Variants in C5 observed in about 807,000 individuals in gnomAD.
The protein encoded by C5 is complement C5.
C5 carries 140 observed loss-of-function variants against 218.8 expected under a neutral mutation model. The observed-to-expected ratio is 0.64, with a 90% confidence interval of 0.56 to 0.74. C5 has a LOEUF of 0.74. Ranked by LOEUF, C5 falls within the 30% of genes least tolerant of loss-of-function variation. The pLI, the probability that C5 is intolerant of heterozygous loss-of-function variation, is 0.00. For synonymous variants in C5, 614 were observed against 682.3 expected (o/e 0.90, Z 1.56); for missense variants, 1,700 against 1,969.6 (o/e 0.86, Z 2.59).
intron 4 of C5, among the ~76,000 whole-genome samples, chr9:121,037,665 CA>C (rs2047539634): frequency 6.6e-6 from 1 of 152,246 alleles, no homozygotes; most frequent in African/African-American, 2.4e-5. Context: ...TGGTTTAGCT[CA>C]AAATCCTTCA....
the C5 span, among the ~76,000 whole-genome samples, chr9:121,073,799 C>G: frequency 6.6e-6 from 1 of 152,074 alleles, no homozygotes; most frequent in Non-Finnish European, 1.5e-5. Flanking sequence ...CAGGCATGAG[C>G]CACAGCGCCC....
intron 20 of C5, among the ~76,000 whole-genome samples, chr9:120,998,434 G>C (rs2047135582): frequency 6.6e-6 from 1 of 152,206 alleles, no homozygotes; most frequent in Non-Finnish European, 1.5e-5. Context: ...CTTAGGCTCA[G>C]GTACTTTTTC....
chr9:121,069,865 A>C, the C5 span, among the ~76,000 whole-genome samples: 4 of 152,214 alleles, frequency 2.6e-5, no homozygotes, highest in Non-Finnish European at 4.4e-5. Flanking sequence ...TATATCCACT[A>C]TGGAGAACAG....
chr9:121,008,753 A>G (rs1031781159), intron 17 of C5, among the ~76,000 whole-genome samples: 1 of 152,072 alleles, frequency 6.6e-6, no homozygotes, highest in Admixed American at 6.5e-5. Context: ...AACATGTTGA[A>G]ACCCCGTCTC....
At chr9:120,995,567 T>A (rs2131721008) in intron 22 of C5, among the ~76,000 whole-genome samples, 1 of 152,238 alleles carries the variant, frequency 6.6e-6, no homozygotes, top group Middle Eastern at 3.4e-3. Context: ...TGTTTTCAAA[T>A]AATGCATGTT....
chr9:120,961,678 T>C, intron 36 of C5, 113 bp from the exon 37 acceptor site: 3 of 743,656 alleles, frequency 4.0e-6, no homozygotes, highest in Non-Finnish European at 7.3e-6. Flanking sequence ...TAAACCCTTC[T>C]TTTTATAGCT....
At chr9:121,028,111 C>T (rs1205588200) in intron 7 of C5, among the ~76,000 whole-genome samples, 1 of 152,194 alleles carries the variant, frequency 6.6e-6, no homozygotes, top group African/African-American at 2.4e-5. Context: ...CATCACTGGT[C>T]ATCAGAGAAA....
At chr9:121,032,330 T>C (rs2047483118) in intron 5 of C5, 135 bp from the exon 6 acceptor site, 1 of 589,870 alleles carries the variant, frequency 1.7e-6, no homozygotes, top group African/African-American at 1.9e-5. Flanking sequence ...TATATTTTAT[T>C]TGTGACTGAT....
At chr9:121,067,683 T>C in the C5 span, among the ~76,000 whole-genome samples, 1 of 152,014 alleles carries the variant, frequency 6.6e-6, no homozygotes, top group Non-Finnish European at 1.5e-5. Flanking sequence ...TCAGGGAAGG[T>C]ACCTGGTGGG....
In C5 at chr9:121,020,164, G is replaced by A; in HGVS notation, c.1318C>T (p.Pro440Ser). 2 of 1,613,902 alleles carry A rather than the reference G, an allele frequency of 1.2e-6. No homozygotes were observed. Among genetic ancestry groups the A allele is most frequent in the South Asian group, 1.1e-5 (1 of 91,076 alleles). Residue 440 changes from proline to serine, a missense_variant, in exon 12 of 41, where the codon CCA becomes TCA. By Grantham distance (74) the Pro-to-Ser change is moderately conservative. Coordinates refer to ENST00000223642, the MANE Select transcript of C5 (RefSeq NM_001735.3). ...VLEFNVKTDA[P>S]DLPEENQARE... is the part of the protein sequence containing the mutation. ...GCCTGATTTTCTTCTGGAAGATCTG[G>A]AGCATCAGTTTTGACCTGAAAAGAG...
At chr9:120,954,203 C>A (rs1474550773) in intron 39 of C5, among the ~76,000 whole-genome samples, 1 of 152,172 alleles carries the variant, frequency 6.6e-6, no homozygotes, top group Non-Finnish European at 1.5e-5. Flanking sequence ...GTGCCTGGAA[C>A]ATAGTAGGAA....
At chr9:121,025,720 C>T (rs970497313) in intron 8 of C5, 140 bp from the exon 9 acceptor site, 8 of 746,674 alleles carry the variant, frequency 1.1e-5, no homozygotes, top group East Asian at 5.2e-5. Context: ...AGTAGATAAC[C>T]GAGTCCACGA....
At chr9:121,016,478 C>A in intron 14 of C5, 95 bp from the exon 15 acceptor site, 2 of 1,465,022 alleles carry the variant, frequency 1.4e-6, no homozygotes, top group Non-Finnish European at 1.9e-6. Flanking sequence ...TTATCACAAA[C>A]CAGTGAAATA....
At chr9:120,965,208 A>G (rs1434614896) in intron 33 of C5, among the ~76,000 whole-genome samples, 3 of 152,160 alleles carry the variant, frequency 2.0e-5, no homozygotes, top group African/African-American at 4.8e-5. Flanking sequence ...CTTTTCCTCA[A>G]TGACACCTCA....
At chr9:121,051,112 T>G (rs36223100), upstream of C5, among the ~76,000 whole-genome samples, 2,713 of 151,176 alleles carry the variant, frequency 0.018, 79 homozygotes, top group African/African-American at 0.055. Context: ...TACTAAAATT[T>G]TATCTTTATA....
chr9:121,029,094 C>G (rs185579589), intron 7 of C5, among the ~76,000 whole-genome samples: 1 of 152,308 alleles, frequency 6.6e-6, no homozygotes, highest in Non-Finnish European at 1.5e-5. Context: ...ATTTAAACTG[C>G]ATGTTTCCCT....
chr9:120,969,033 ATGCTCCCC>A lies in C5; in HGVS notation c.4220+20_4220+27del, dbSNP rs2046890187. 1 of 1,593,794 alleles carries A rather than the reference ATGCTCCCC, an allele frequency of 6.3e-7. No individual in the cohort carries two copies. The highest frequency in any genetic ancestry group is 1.7e-5 in the Admixed American group (1 of 60,014). On this transcript the variant is annotated intron_variant, in intron 33 of 40. Coordinates refer to ENST00000223642, the MANE Select transcript of C5 (RefSeq NM_001735.3). Reference sequence around the variant, plus strand: ...TAACAAAAATGAGAACTTGGAGTCTATGCTCCCCTTTGTGGAAATAGGCTCACCTGGCA... The same window carrying A: ...TAACAAAAATGAGAACTTGGAGTCTATTTGTGGAAATAGGCTCACCTGGCA...
upstream of C5, chr9:121,050,280 C>A: frequency 6.6e-7 from 1 of 1,511,316 alleles, no homozygotes; most frequent in Non-Finnish European, 9.2e-7. Flanking sequence ...GGATATAACA[C>A]TTTTGAGGAT....
chr9:120,962,961 C>A lies in C5; in HGVS notation c.4330G>T (p.Glu1444Ter). 6.2e-7 allele frequency: 1 copy of A among 1,612,040 alleles called. No homozygotes were observed. The highest frequency in any genetic ancestry group is 1.1e-5 in the South Asian group (1 of 91,038). The part of the protein sequence containing the change: ...ANEEDLKALV[E>*]GVDQLFTDYQ... ...TCAGTGAATAGTTGATCCACCCCTT[C>A]CACAAGCTAAGGGGGAAAAGAGAGA... The change falls in exon 35 of 41, where the codon GAA becomes TAA. Residue 1444 changes from glutamate (E) to a stop codon, truncating the protein, a stop_gained. Transcript: ENST00000223642. LOFTEE classifies it high-confidence loss of function.
Sources: allele counts gnomAD v4.1 joint callset (sites outside exome capture counted in the v4.1 genomes callset), GRCh38; gene constraint gnomAD v4.1.1; transcripts MANE v1.5; gene names NCBI Gene and HGNC (gene_info 2026-07-23, HGNC 2026-07-21).